Variants in FBXL2 observed in about 807,000 individuals in gnomAD.
FBXL2 encodes F-box and leucine rich repeat protein 2.
In FBXL2, 38 loss-of-function variants were observed where a neutral mutation model predicts 69.2. That is an observed-to-expected ratio of 0.55 (90% CI 0.42 to 0.72). FBXL2 has a LOEUF of 0.72. FBXL2 is among the 30% of genes least tolerant of loss of function. The pLI is 0.00. For missense variants in FBXL2, 354 were observed against 520.3 expected, an observed-to-expected ratio of 0.68 and a Z score of 3.11; for synonymous variants, 192 against 201.3, an observed-to-expected ratio of 0.95 and a Z score of 0.39.
rs2036404105 is a variant in FBXL2 at position 33,302,835 on chromosome 3, AG to A, written c.65+5111del. On this transcript the variant is annotated intron_variant, in intron 2 of 14. Coordinates refer to ENST00000484457, the MANE Select transcript of FBXL2 (RefSeq NM_012157.5). Reference sequence around the variant, plus strand: ...AAGACACAATTTCATATAATACAACAGTTTTAGTAGTTGAATTTGCTTGGGA... The same window carrying A: ...AAGACACAATTTCATATAATACAACATTTTAGTAGTTGAATTTGCTTGGGA... 1.3e-5 allele frequency among the ~76,000 whole-genome samples: 2 copies of A among 152,308 alleles called. 1 individual carries two copies. The highest frequency in any genetic ancestry group is 1.3e-4 in the Admixed American group (2 of 15,306).
chr3:33,401,083 T>C, intron 12 of FBXL2: 1 of 1,431,900 alleles, frequency 7.0e-7, no homozygotes, highest in East Asian at 2.5e-5. Context: ...ATCAAGGCAT[T>C]AAAAGCTGTT....
At chr3:33,289,392 C>G (rs2034995482) in intron 1 of FBXL2, among the ~76,000 whole-genome samples, 1 of 152,000 alleles carries the variant, frequency 6.6e-6, no homozygotes, top group African/African-American at 2.4e-5. Context: ...CAAATTGCAA[C>G]AGTTGACATT....
At chr3:33,374,915 T>C (rs1314692531) in intron 9 of FBXL2, among the ~76,000 whole-genome samples, 1 of 152,188 alleles carries the variant, frequency 6.6e-6, no homozygotes, top group Non-Finnish European at 1.5e-5. Context: ...TCAGTTAAAC[T>C]AGGAAAGCCT....
At chr3:33,373,538 G>A (rs1478372284) in intron 7 of FBXL2, 40 bp from the exon 8 acceptor site, 1 of 1,613,728 alleles carries the variant, frequency 6.2e-7, no homozygotes, top group African/African-American at 1.3e-5. Context: ...ACTCTCTACA[G>A]GAGAGACTGC....
At chr3:33,375,927 T>A (rs925955745) in intron 10 of FBXL2, among the ~76,000 whole-genome samples, 102 of 152,182 alleles carry the variant, frequency 6.7e-4, no homozygotes, top group African/African-American at 2.4e-3. Flanking sequence ...GATGCTGAGG[T>A]GGGTGGGTCA....
chr3:33,299,903 A>C (rs1016135542), intron 2 of FBXL2, among the ~76,000 whole-genome samples: 2 of 152,204 alleles, frequency 1.3e-5, no homozygotes, highest in Non-Finnish European at 2.9e-5. Context: ...AGTTGTTAGA[A>C]GCAATACCGC....
At chr3:33,361,012 A>C (rs1382544699) in intron 4 of FBXL2, among the ~76,000 whole-genome samples, 2 of 143,328 alleles carry the variant, frequency 1.4e-5, no homozygotes, top group African/African-American at 5.2e-5. Flanking sequence ...GCTCACTGCA[A>C]ACTCCACCTC....
At chr3:33,306,835 C>T (rs767375891) in intron 2 of FBXL2, among the ~76,000 whole-genome samples, 46 of 152,000 alleles carry the variant, frequency 3.0e-4, no homozygotes, top group Non-Finnish European at 5.3e-4. Context: ...ATGCTAGTGT[C>T]GATGCTTATT....
chr3:33,390,333 A>C, downstream of FBXL2: 2 of 1,614,102 alleles, frequency 1.2e-6, no homozygotes, highest in East Asian at 2.2e-5. Flanking sequence ...ATAAGACATC[A>C]CTTCAAAATT....
chr3:33,409,404 C>G, the FBXL2 span: 46 of 1,613,714 alleles, frequency 2.9e-5, no homozygotes, highest in Non-Finnish European at 3.6e-5. Flanking sequence ...GCTTTACAGG[C>G]AAAACTGAGC....
Position 33,373,338 on chromosome 3 carries a change from C to T in FBXL2, c.438C>T (p.Ser146=), listed in dbSNP as rs777998312. Residue 146 remains serine, a synonymous_variant, in exon 7 of 15, where the codon AGC becomes AGT. Transcript: ENST00000484457. ...CCTCCTGTGTGTCTATTACAAACAG[C>T]TCCTTGAAGGGGATCAGGTAAGAGT... ...DLTSCVSITN[S]SLKGISEGCR... is the part of the protein sequence containing the mutation. The T allele has an allele frequency of 1.9e-6, 3 of 1,611,932 alleles. No homozygotes were observed. The East Asian group carries it at 6.7e-5, about 36-fold the overall frequency.
At chr3:33,297,545 A>T in intron 1 of FBXL2, 119 bp from the exon 2 acceptor site, 1 of 622,478 alleles carries the variant, frequency 1.6e-6, no homozygotes, top group Non-Finnish European at 2.9e-6. Flanking sequence ...GAAATTAGTC[A>T]CACCCTATTT....
At chr3:33,289,308 A>G (rs532724167) in intron 1 of FBXL2, among the ~76,000 whole-genome samples, 2 of 152,302 alleles carry the variant, frequency 1.3e-5, no homozygotes, top group Non-Finnish European at 2.9e-5. Flanking sequence ...TGGTCAAGTC[A>G]TTTATTTTCT....
intron 5 of FBXL2, among the ~76,000 whole-genome samples, chr3:33,370,957 C>G (rs534432808): frequency 6.6e-6 from 1 of 150,582 alleles, no homozygotes; most frequent in African/African-American, 2.4e-5. Flanking sequence ...TCCTCTGTCT[C>G]TCTTATTTAG....
intron 12 of FBXL2, among the ~76,000 whole-genome samples, chr3:33,398,951 T>C (rs1306204782): frequency 6.6e-6 from 1 of 152,196 alleles, no homozygotes; most frequent in Non-Finnish European, 1.5e-5. Flanking sequence ...AGCTAGCAAA[T>C]GACCTCCATA....
intron 12 of FBXL2, chr3:33,397,177 A>G: frequency 6.8e-7 from 1 of 1,462,968 alleles, no homozygotes; most frequent in Non-Finnish European, 9.3e-7. Flanking sequence ...AAATGGAAAA[A>G]GAACAGAACT....
chr3:33,311,226 A>G (rs1049342496), intron 2 of FBXL2, among the ~76,000 whole-genome samples: 5 of 152,022 alleles, frequency 3.3e-5, no homozygotes, highest in Admixed American at 6.6e-5. Flanking sequence ...CAGTCTGCCA[A>G]TCCTGTGTTT....
At chr3:33,373,811 G>T (rs1210867273) in intron 8 of FBXL2, 36 bp from the exon 9 acceptor site, 1 of 1,613,998 alleles carries the variant, frequency 6.2e-7, no homozygotes, top group Admixed American at 1.7e-5. Flanking sequence ...CCCTCACCTG[G>T]ATTCCAGCTG....
intron 2 of FBXL2, among the ~76,000 whole-genome samples, chr3:33,357,761 C>A (rs976188568): frequency 2.0e-5 from 3 of 152,068 alleles, no homozygotes; most frequent in Admixed American, 6.6e-5. Context: ...GATCTCCTGA[C>A]CTCGTGATCC....
Sources: gnomAD v4.1 joint callset for allele counts (sites outside exome capture counted in the v4.1 genomes callset) on GRCh38, gnomAD v4.1.1 for gene constraint, MANE v1.5 for transcripts, NCBI Gene and HGNC (gene_info 2026-07-23, HGNC 2026-07-21) for gene names.